Variants in UNC80 observed in about 807,000 individuals in gnomAD.
UNC80 encodes unc-80 subunit of NALCN channel complex.
In UNC80, 164 loss-of-function variants were observed where a neutral mutation model predicts 384.6. The observed-to-expected ratio is 0.43, with a 90% CI of 0.38 to 0.49. The LOEUF is 0.49. Among genes scored for constraint, UNC80 ranks in the 20% least tolerant of loss-of-function variants. UNC80 has a pLI of 0.00. For missense variants in UNC80, 3,330 were observed against 4,143.0 expected, an observed-to-expected ratio of 0.80 and a Z score of 5.39; for synonymous variants, 1,486 against 1,527.8, an observed-to-expected ratio of 0.97 and a Z score of 0.64.
At chr2:209,875,296 AC>A (rs1266295367) in intron 23 of UNC80, among the ~76,000 whole-genome samples, 1 of 152,200 alleles carries the variant, frequency 6.6e-6, no homozygotes. Flanking sequence ...TCAGGATAAA[AC>A]CCAAACTGCT....
chr2:209,973,269 G>C lies in UNC80; in HGVS notation c.8586G>C (p.Leu2862Phe). 2 of 1,551,280 alleles carry C rather than the reference G, an allele frequency of 1.3e-6. No homozygotes were observed. Among genetic ancestry groups the C allele is most frequent in the Non-Finnish European group, 8.7e-7 (1 of 1,146,800 alleles). The stretch of plus-strand genomic sequence containing the variant: ...AGTCCACCAGCCAAGCAGCATACTT[G>C]GGTTGGTACTTTCTCTCTCTCTCTC... The part of the protein sequence containing the change: ...LAESTSQAAY[L>F]ALKVILVCFE... Residue 2862 changes from leucine (L) to phenylalanine (F), a missense_variant and splice_region_variant, in exon 56 of 65, where the codon TTG becomes TTC. Physicochemically the swap from Leu to Phe is conservative, Grantham distance 22. Around this residue, in one of 8 missense-constraint regions of UNC80, gnomAD observed 1,049 missense variants for 1,488.6 expected, o/e 0.70. Coordinates refer to ENST00000673920, the MANE Select transcript of UNC80 (RefSeq NM_001371986.1).
chr2:209,984,127 C>T (rs1286201156), intron 60 of UNC80, among the ~76,000 whole-genome samples: 1 of 152,216 alleles, frequency 6.6e-6, no homozygotes, highest in Non-Finnish European at 1.5e-5. Context: ...GTTCACAAAT[C>T]TCAGTTCAGC....
chr2:209,975,502 G>A lies in UNC80; in HGVS notation c.8588-617G>A, dbSNP rs2092989734. Reference sequence around the variant, plus strand: ...AGTAACAGACGTAGTGTGTGATGAAGGAAGGTGTTTTTTATTTTTGGAAAG... The same window carrying A: ...AGTAACAGACGTAGTGTGTGATGAAAGAAGGTGTTTTTTATTTTTGGAAAG... On this transcript the variant is annotated intron_variant, in intron 56 of 64. Transcript: ENST00000673920. Among the ~76,000 whole-genome samples the A allele has an allele frequency of 2.0e-5, 3 of 152,312 alleles. No individual in the cohort carries two copies. The South Asian group carries it at 6.2e-4, about 32-fold the overall frequency.
At chr2:209,882,576 A>T (rs1246530895) in intron 25 of UNC80, among the ~76,000 whole-genome samples, 3 of 152,204 alleles carry the variant, frequency 2.0e-5, no homozygotes, top group Admixed American at 2.0e-4. Context: ...ATGTAATTTC[A>T]TAATAACCTG....
At chr2:209,887,327 C>T (rs978363595) in intron 25 of UNC80, among the ~76,000 whole-genome samples, 18 of 152,174 alleles carry the variant, frequency 1.2e-4, no homozygotes, top group African/African-American at 4.1e-4. Context: ...GTGTGAGCCA[C>T]CGAGCCCGGC....
At chr2:209,908,621 A>G (rs1325617463) in intron 29 of UNC80, among the ~76,000 whole-genome samples, 1 of 152,234 alleles carries the variant, frequency 6.6e-6, no homozygotes. Context: ...ATTGTGATAC[A>G]TGCTCAAAAA....
At chr2:209,843,426 T>C (rs958175112) in intron 21 of UNC80, among the ~76,000 whole-genome samples, 3 of 152,164 alleles carry the variant, frequency 2.0e-5, no homozygotes, top group Admixed American at 1.3e-4. Context: ...ATTTCAAAAA[T>C]GATGAAAATT....
intron 4 of UNC80, among the ~76,000 whole-genome samples, chr2:209,784,722 T>C (rs1056794251): frequency 2.0e-5 from 3 of 152,228 alleles, no homozygotes; most frequent in Non-Finnish European, 2.9e-5. Flanking sequence ...CGAACAGAGA[T>C]TTTTGTATGC....
chr2:209,911,962 T>A (rs183303293), intron 29 of UNC80, among the ~76,000 whole-genome samples: 1 of 152,140 alleles, frequency 6.6e-6, no homozygotes, highest in Non-Finnish European at 1.5e-5. Context: ...AAGAGTATGG[T>A]TTTTGAAAAG....
At chr2:209,883,964 A>T (rs1192705343) in intron 25 of UNC80, among the ~76,000 whole-genome samples, 2 of 152,162 alleles carry the variant, frequency 1.3e-5, no homozygotes, top group East Asian at 1.9e-4. Context: ...AGCCAAAATG[A>T]CATTTTTTCA....
At chr2:209,831,217 T>C (rs1270853933) in intron 15 of UNC80, among the ~76,000 whole-genome samples, 1 of 152,124 alleles carries the variant, frequency 6.6e-6, no homozygotes, top group African/African-American at 2.4e-5. Flanking sequence ...ATAAAACCAT[T>C]CCGGAAATGC....
intron 21 of UNC80, among the ~76,000 whole-genome samples, chr2:209,847,813 A>C (rs1574719275): frequency 6.6e-6 from 1 of 152,038 alleles, no homozygotes; most frequent in South Asian, 2.1e-4. Context: ...TTGATCATCT[A>C]TCTGGTCTTA....
chr2:209,896,781 C>T (rs1013771159), intron 28 of UNC80, among the ~76,000 whole-genome samples: 4 of 151,966 alleles, frequency 2.6e-5, no homozygotes, highest in Non-Finnish European at 5.9e-5. Flanking sequence ...TGGTGTTGCT[C>T]TTGGGTGTGT....
chr2:209,808,759 T>A, intron 7 of UNC80: 1 of 42,262 alleles, frequency 2.4e-5, no homozygotes, highest in Non-Finnish European at 3.8e-5. Context: ...GTGGGTCGCC[T>A]GCGCTACTTC....
intron 21 of UNC80, among the ~76,000 whole-genome samples, chr2:209,848,917 A>G (rs1199490132): frequency 1.3e-5 from 2 of 152,140 alleles, no homozygotes; most frequent in East Asian, 3.9e-4. Context: ...TTAGAGTGGT[A>G]ACCCTAACTC....
chr2:209,792,617 G>T (rs949057172), intron 6 of UNC80, among the ~76,000 whole-genome samples: 4 of 152,058 alleles, frequency 2.6e-5, no homozygotes, highest in African/African-American at 9.7e-5. Flanking sequence ...AAAGTGCTAG[G>T]ATTACAGGCA....
At position 209,815,377 on chromosome 2, in the gene UNC80, A is replaced by T. The variant is rs953754278; in HGVS notation, c.1321A>T (p.Asn441Tyr). ...AGATCTTTCTTCAGACCTGGGCATG[A>T]ATATTTTTAAAAAGGTGAGTAGAAA... ...VPDLSSDLGM[N>Y]IFKKFKSRKE... Residue 441 changes from asparagine (N) to tyrosine (Y), a missense_variant, in exon 9 of 65, where the codon AAT becomes TAT. This residue lies in a region of UNC80 where 937 missense variants were observed against 1,026.8 expected (regional missense o/e 0.91). Coordinates refer to ENST00000673920, the MANE Select transcript of UNC80 (RefSeq NM_001371986.1). 5.2e-6 allele frequency: 8 copies of T among 1,551,048 alleles called. No homozygotes were observed. The highest frequency in any genetic ancestry group is 7.0e-6 in the Non-Finnish European group (8 of 1,146,834).
chr2:209,803,279 G>A (rs1476171305), intron 7 of UNC80, among the ~76,000 whole-genome samples: 1 of 152,160 alleles, frequency 6.6e-6, no homozygotes, highest in Non-Finnish European at 1.5e-5. Flanking sequence ...TGGCTACACA[G>A]TTCTTTTGAA....
intron 49 of UNC80, among the ~76,000 whole-genome samples, chr2:209,958,903 C>G (rs1327891101): frequency 6.6e-6 from 1 of 152,164 alleles, no homozygotes; most frequent in Admixed American, 6.5e-5. Context: ...AATCACGCAA[C>G]AATAAAACAA....
Sources: allele counts gnomAD v4.1 joint callset (sites outside exome capture counted in the v4.1 genomes callset), GRCh38; gene constraint gnomAD v4.1.1; regional missense constraint gnomAD v4.1.1; transcripts MANE v1.5; gene names NCBI Gene and HGNC (gene_info 2026-07-23, HGNC 2026-07-21).